The following CNBD2 variants were observed in gnomAD, a reference collection of about 807,000 sequenced individuals.
CNBD2 encodes the protein cyclic nucleotide-binding domain-containing protein 2.
A neutral mutation model predicts 63.7 loss-of-function variants in CNBD2; 64 were observed. That is an observed-to-expected ratio of 1.00 (90% CI 0.82 to 1.24). CNBD2 has a LOEUF of 1.24. Among genes scored for constraint, CNBD2 ranks in the 50% most tolerant of loss-of-function variants. The pLI, the probability that CNBD2 is intolerant of heterozygous loss-of-function variation, is 0.00. For synonymous variants in CNBD2, 229 were observed against 255.4 expected (o/e 0.90, Z 0.99); for missense variants, 691 against 713.5 (o/e 0.97, Z 0.36).
At chr20:35,987,932 C>T (rs149445658) in intron 7 of CNBD2, among the ~76,000 whole-genome samples, 146 of 152,278 alleles carry the variant, frequency 9.6e-4, no homozygotes, top group African/African-American at 3.3e-3. Flanking sequence ...TGCAATGGCA[C>T]AATCTTGGCT....
intron 2 of CNBD2, 31 bp downstream of exon 2, chr20:35,972,797 G>A (rs773123024): frequency 1.9e-6 from 3 of 1,610,072 alleles, no homozygotes; most frequent in Admixed American, 1.7e-5. Flanking sequence ...GGATTATGAG[G>A]GCTCAAAGAA....
intron 3 of CNBD2, among the ~76,000 whole-genome samples, chr20:35,976,531 A>C (rs2056521443): frequency 6.6e-6 from 1 of 152,178 alleles, no homozygotes; most frequent in South Asian, 2.1e-4. Context: ...TCAAGACTGC[A>C]GTGAGCTATG....
At chr20:35,956,292 T>C (rs2056256096), downstream of CNBD2, among the ~76,000 whole-genome samples, 1 of 152,238 alleles carries the variant, frequency 6.6e-6, no homozygotes. Flanking sequence ...GGGCCTTTAA[T>C]GTTTTTTAGT....
At chr20:35,960,817 CCTTCCCTTCCCTTCT>C (rs1568838768) in intron 2 of CNBD2, among the ~76,000 whole-genome samples, 4 of 135,478 alleles carry the variant, frequency 3.0e-5, no homozygotes, top group South Asian at 2.4e-4. Context: ...TCTTCCCTTC[CCTTCCCTTCCCTTCT>C]CTTCCCTTCT....
rs542511428 is a variant in CNBD2 at position 36,004,832 on chromosome 20, A to T, written c.971-3465A>T. 4.2e-3 allele frequency among the ~76,000 whole-genome samples: 634 copies of T among 152,110 alleles called. 4 individuals carry two copies. The highest frequency in any genetic ancestry group is 0.014 in the African/African-American group (598 of 41,506). ...CCCACCTCAGCCTCCCAAAGTGCTG[A>T]GATTACAGGCATGAGCCACCGCATC... On this transcript the variant is annotated intron_variant, in intron 8 of 11. Coordinates refer to ENST00000373973, the MANE Select transcript of CNBD2 (RefSeq NM_001365709.1).
intron 8 of CNBD2, among the ~76,000 whole-genome samples, chr20:36,008,050 C>T (rs1026559781): frequency 6.6e-6 from 1 of 152,190 alleles, no homozygotes; most frequent in African/African-American, 2.4e-5. Flanking sequence ...TGCTGTTCAT[C>T]TTATCTCTTA....
intron 11 of CNBD2, among the ~76,000 whole-genome samples, chr20:36,028,342 T>G (rs1490284591): frequency 6.6e-6 from 1 of 152,082 alleles, no homozygotes; most frequent in Non-Finnish European, 1.5e-5. Flanking sequence ...TTCTGTCTTA[T>G]TCATTAATCG....
rs2056916600 is a variant in CNBD2, at chr20:36,001,963, G to A, written c.971-6334G>A. 2.0e-5 allele frequency among the ~76,000 whole-genome samples: 3 copies of A among 152,162 alleles called. No homozygotes were observed. In the South Asian group the frequency reaches 6.2e-4, roughly 32 times the overall value. ...TCACGTCCCAGACGATGGGCGGCCA[G>A]GCAGAGACGCTCCTCACTTCCCAGA... On this transcript the variant is annotated intron_variant, in intron 8 of 11. Transcript: ENST00000373973.
intron 4 of CNBD2, among the ~76,000 whole-genome samples, chr20:35,981,715 C>T (rs1226402980): frequency 6.6e-6 from 1 of 152,156 alleles, no homozygotes; most frequent in African/African-American, 2.4e-5. Flanking sequence ...GCTGGGATTA[C>T]AGACGTGTAC....
chr20:35,984,305 A>C (rs565261768), intron 5 of CNBD2, among the ~76,000 whole-genome samples, 167 bp downstream of exon 5: 1 of 152,358 alleles, frequency 6.6e-6, no homozygotes, highest in African/African-American at 2.4e-5. Flanking sequence ...GACTAAGATC[A>C]GCCTCTTCAT....
chr20:35,975,417 C>T (rs2056497917), intron 2 of CNBD2, among the ~76,000 whole-genome samples: 1 of 112,688 alleles, frequency 8.9e-6, no homozygotes, highest in African/African-American at 3.7e-5. Flanking sequence ...TCTCCTGCCT[C>T]AGCCTCCCGA....
rs1407312442 is a variant in CNBD2, at chr20:35,987,498, T to G, written c.820T>G (p.Phe274Val). Reference protein sequence around the residue: ...FSYGQLISKDFGESPFIMFIS... With the variant: ...FSYGQLISKDVGESPFIMFIS... ...GTATGGGCAGCTGATCTCAAAAGAT[T>G]TTGGAGAGTCACCCTTCATCATGTT... Residue 274 changes from phenylalanine to valine, a missense_variant, in exon 7 of 12, where the codon TTT becomes GTT. By Grantham distance (50) the Phe-to-Val change is conservative. Coordinates refer to ENST00000373973, the MANE Select transcript of CNBD2 (RefSeq NM_001365709.1). 6.2e-7 allele frequency: 1 copy of G among 1,614,100 alleles called. No individual in the cohort carries two copies. Among genetic ancestry groups the G allele is most frequent in the Admixed American group, 1.7e-5 (1 of 60,026 alleles).
At chr20:35,955,574 G>A (rs2056247861), downstream of CNBD2, among the ~76,000 whole-genome samples, 1 of 152,164 alleles carries the variant, frequency 6.6e-6, no homozygotes, top group African/African-American at 2.4e-5. Flanking sequence ...TAAGAAGTTT[G>A]CTCTTGTTTT....
chr20:35,975,205 G>A (rs1304631303), intron 2 of CNBD2, among the ~76,000 whole-genome samples: 1 of 135,300 alleles, frequency 7.4e-6, no homozygotes, highest in East Asian at 2.1e-4. Context: ...GTTTCACCTT[G>A]TTAGCCAGGA....
chr20:35,976,128 C>G, intron 3 of CNBD2, 126 bp downstream of exon 3: 2 of 753,996 alleles, frequency 2.7e-6, no homozygotes, highest in Non-Finnish European at 4.5e-6. Flanking sequence ...AGCTTGTCAC[C>G]CTGGGTTGGC....
At chr20:36,009,492 A>G (rs1177779847) in intron 9 of CNBD2, among the ~76,000 whole-genome samples, 1 of 149,874 alleles carries the variant, frequency 6.7e-6, no homozygotes, top group African/African-American at 2.4e-5. Context: ...ATGAGCCACC[A>G]CGCCCAACCG....
intron 7 of CNBD2, among the ~76,000 whole-genome samples, chr20:35,993,867 C>CTT (rs58873487): frequency 5.2e-3 from 445 of 85,900 alleles, no homozygotes; most frequent in Non-Finnish European, 6.5e-3. Flanking sequence ...TTCAGCTAAT[C>CTT]TTTTTTTTTT....
chr20:36,000,138 C>G (rs1003159093), intron 8 of CNBD2, among the ~76,000 whole-genome samples: 5 of 152,140 alleles, frequency 3.3e-5, no homozygotes, highest in African/African-American at 1.2e-4. Flanking sequence ...TTTAACATTT[C>G]TTGTATTTCA....
At chr20:35,971,127 T>C (rs1488500243) in intron 1 of CNBD2, among the ~76,000 whole-genome samples, 1 of 151,006 alleles carries the variant, frequency 6.6e-6, no homozygotes, top group African/African-American at 2.4e-5. Flanking sequence ...TTTTGTATTT[T>C]TAGTAGAGAC....
Sources: gnomAD v4.1 joint callset for allele counts (sites outside exome capture counted in the v4.1 genomes callset) on GRCh38, gnomAD v4.1.1 for gene constraint, MANE v1.5 for transcripts, NCBI Gene and HGNC (gene_info 2026-07-23, HGNC 2026-07-21) for gene names.